TSPAN5: variants seen among roughly 807,000 people sequenced by gnomAD.
The protein encoded by TSPAN5 is tetraspanin 5.
In TSPAN5, 10 loss-of-function variants were observed where a neutral mutation model predicts 37.1. The observed-to-expected ratio is 0.27, with a 90% CI of 0.17 to 0.46. The LOEUF (loss-of-function observed/expected upper bound fraction) is 0.46. TSPAN5 is among the 20% of genes least tolerant of loss of function. TSPAN5 has a pLI of 1.00. For synonymous variants in TSPAN5, 110 were observed against 118.9 expected (o/e 0.93, Z 0.48); for missense variants, 195 against 326.6 (o/e 0.60, Z 3.11).
chr4:98,575,481 C>T (rs930732921), intron 1 of TSPAN5, among the ~76,000 whole-genome samples: 8 of 151,410 alleles, frequency 5.3e-5, no homozygotes, highest in Non-Finnish European at 1.0e-4. Flanking sequence ...TTTGAAAGCC[C>T]CCAGTGAACC....
intron 1 of TSPAN5, among the ~76,000 whole-genome samples, chr4:98,642,206 T>A (rs1756972548): frequency 6.6e-6 from 1 of 152,164 alleles, no homozygotes; most frequent in Non-Finnish European, 1.5e-5. Context: ...AGGTTTAGCT[T>A]CCCTAAAAGT....
intron 1 of TSPAN5, among the ~76,000 whole-genome samples, chr4:98,583,014 T>A (rs985622960): frequency 2.0e-5 from 3 of 152,172 alleles, no homozygotes; most frequent in African/African-American, 4.8e-5. Flanking sequence ...ATACTTACCA[T>A]TAGAAAATAG....
At chr4:98,587,491 T>C (rs1755518448) in intron 1 of TSPAN5, among the ~76,000 whole-genome samples, 1 of 152,114 alleles carries the variant, frequency 6.6e-6, no homozygotes, top group Non-Finnish European at 1.5e-5. Context: ...ATATATTTCC[T>C]CCTCTAAAGA....
At chr4:98,488,500 G>T (rs1447631941) in intron 2 of TSPAN5, among the ~76,000 whole-genome samples, 3 of 152,134 alleles carry the variant, frequency 2.0e-5, no homozygotes, top group Admixed American at 6.5e-5. Context: ...ACAGACAAAT[G>T]GTTGAAAGGC....
At chr4:98,546,670 C>A (rs951424901) in intron 1 of TSPAN5, among the ~76,000 whole-genome samples, 7 of 151,980 alleles carry the variant, frequency 4.6e-5, no homozygotes, top group African/African-American at 1.5e-4. Context: ...ATCCCCTAAA[C>A]CTGGACTCAC....
At chr4:98,583,159 C>T (rs563227025) in intron 1 of TSPAN5, among the ~76,000 whole-genome samples, 2 of 152,274 alleles carry the variant, frequency 1.3e-5, no homozygotes, top group South Asian at 2.1e-4. Flanking sequence ...CTATTTTCTA[C>T]CTCATTTTAT....
At chr4:98,498,637 A>ACAC (rs2110277320) in intron 2 of TSPAN5, among the ~76,000 whole-genome samples, 1 of 152,230 alleles carries the variant, frequency 6.6e-6, no homozygotes, top group Non-Finnish European at 1.5e-5. Context: ...CTGTGCTGTG[A>ACAC]CACCACTGCC....
chr4:98,517,516 C>T (rs1300377477), intron 1 of TSPAN5, among the ~76,000 whole-genome samples: 1 of 152,008 alleles, frequency 6.6e-6, no homozygotes, highest in East Asian at 1.9e-4. Flanking sequence ...TGAACTTGCA[C>T]TACACCAGGA....
At chr4:98,641,069 C>T (rs953487207) in intron 1 of TSPAN5, among the ~76,000 whole-genome samples, 1 of 152,198 alleles carries the variant, frequency 6.6e-6, no homozygotes, top group African/African-American at 2.4e-5. Context: ...TAACCACTGT[C>T]TTACATGTTG....
At chr4:98,587,087 C>T (rs1484943118) in intron 1 of TSPAN5, among the ~76,000 whole-genome samples, 2 of 152,232 alleles carry the variant, frequency 1.3e-5, no homozygotes, top group Non-Finnish European at 2.9e-5. Flanking sequence ...CCTTCGATGG[C>T]CAGCATGCAG....
intron 4 of TSPAN5, among the ~76,000 whole-genome samples, chr4:98,481,194 G>A (rs554114985): frequency 6.6e-6 from 1 of 152,138 alleles, no homozygotes; most frequent in Non-Finnish European, 1.5e-5. Flanking sequence ...TCTCATTAGT[G>A]TCATAATATC....
At chr4:98,600,407 G>C (rs771526685) in intron 1 of TSPAN5, among the ~76,000 whole-genome samples, 2 of 152,158 alleles carry the variant, frequency 1.3e-5, no homozygotes, top group African/African-American at 4.8e-5. Context: ...ACAGTAGAAC[G>C]TCTTTTGAAA....
At chr4:98,477,060 C>T (rs1752718795) in intron 5 of TSPAN5, among the ~76,000 whole-genome samples, 1 of 152,164 alleles carries the variant, frequency 6.6e-6, no homozygotes, top group Non-Finnish European at 1.5e-5. Flanking sequence ...GCTTAGAGCG[C>T]AAGGAATGAG....
chr4:98,598,528 G>C (rs1197849930), intron 1 of TSPAN5, among the ~76,000 whole-genome samples: 1 of 151,904 alleles, frequency 6.6e-6, no homozygotes, highest in Non-Finnish European at 1.5e-5. Flanking sequence ...GCAGTGGCGC[G>C]GTCTGTGCTC....
At chr4:98,540,416 C>A (rs1754332799) in intron 1 of TSPAN5, among the ~76,000 whole-genome samples, 1 of 152,106 alleles carries the variant, frequency 6.6e-6, no homozygotes, top group African/African-American at 2.4e-5. Flanking sequence ...CGGCTCACTG[C>A]AACCTCCGCC....
At position 98,549,616 on chromosome 4, in the gene TSPAN5, T is replaced by G. The variant is rs150407683; in HGVS notation, c.82-41888A>C. On this transcript the variant is annotated intron_variant, in intron 1 of 7. Transcript: ENST00000305798. ...ACCTGGCCTCGTTGTGATTTTAATTTGCATTTCTCTGATGATTAGTGATGT... is the reference window on the plus strand; with the variant it reads ...ACCTGGCCTCGTTGTGATTTTAATTGGCATTTCTCTGATGATTAGTGATGT... 5.1e-3 allele frequency among the ~76,000 whole-genome samples: 784 copies of G among 152,270 alleles called. 6 individuals are homozygous for G. Among genetic ancestry groups the G allele is most frequent in the African/African-American group, 0.017 (719 of 41,552 alleles).
chr4:98,568,063 T>C (rs1451230926), intron 1 of TSPAN5, among the ~76,000 whole-genome samples: 1 of 152,066 alleles, frequency 6.6e-6, no homozygotes, highest in Non-Finnish European at 1.5e-5. Context: ...AGGAGTCACA[T>C]CACCTACGCA....
At chr4:98,582,416 AC>A (rs1553915408) in intron 1 of TSPAN5, among the ~76,000 whole-genome samples, 84 of 152,162 alleles carry the variant, frequency 5.5e-4, no homozygotes, top group African/African-American at 1.9e-3. Context: ...TTCACACAAA[AC>A]TGCAAGGAAA....
chr4:98,548,223 AG>A (rs1243869745), intron 1 of TSPAN5, among the ~76,000 whole-genome samples: 5 of 152,128 alleles, frequency 3.3e-5, no homozygotes, highest in Non-Finnish European at 7.3e-5. Flanking sequence ...TAGTTCACTT[AG>A]AGAGTTAAGT....
Sources: gnomAD v4.1 joint callset for allele counts (sites outside exome capture counted in the v4.1 genomes callset) on GRCh38, gnomAD v4.1.1 for gene constraint, MANE v1.5 for transcripts, NCBI Gene and HGNC (gene_info 2026-07-23, HGNC 2026-07-21) for gene names.